Variants in OPHN1 observed in about 807,000 individuals in gnomAD.
OPHN1 encodes the protein oligophrenin 1, also known as oligophrenin-1.
OPHN1 carries 11 observed loss-of-function variants against 60.7 expected under a neutral mutation model. That is an observed-to-expected ratio of 0.18 (90% CI 0.11 to 0.30). OPHN1 has a LOEUF of 0.30. OPHN1 is among the 10% of genes least tolerant of loss of function. The pLI, the probability that OPHN1 is intolerant of heterozygous loss-of-function variation, is 1.00. For missense variants in OPHN1, 449 were observed against 611.0 expected, an observed-to-expected ratio of 0.73 and a Z score of 2.80; for synonymous variants, 226 against 222.6, an observed-to-expected ratio of 1.02 and a Z score of -0.14.
Position 68,417,881 on chromosome X carries a change from T to C in OPHN1, c.154+14986A>G, listed in dbSNP as rs892711509. On this transcript the variant is annotated intron_variant, in intron 2 of 24. Transcript: ENST00000355520. ...GCCAAGCAACCGCCTCCTTGCCCAGTGGCCAATTCAATGAATGCTTCAATC... is the reference window on the plus strand; with the variant it reads ...GCCAAGCAACCGCCTCCTTGCCCAGCGGCCAATTCAATGAATGCTTCAATC... Among the ~76,000 whole-genome samples, 4 of 112,658 alleles carry C rather than the reference T, an allele frequency of 3.6e-5. No homozygotes were observed. The East Asian group carries it at 1.1e-3, about 32-fold the overall frequency.
intron 2 of OPHN1, among the ~76,000 whole-genome samples, chrX:68,422,497 GAGAGAAAGAAAAAGAA>G (rs1200128894): frequency 1.3e-3 from 135 of 102,315 alleles, no homozygotes; most frequent in African/African-American, 4.0e-3. Context: ...GAGAGAGAGG[GAGAGAAAGAAAAAGAA>G]AGAGAAAGAA....
chrX:68,243,771 C>A (rs948258437), intron 5 of OPHN1, among the ~76,000 whole-genome samples: 11 of 111,806 alleles, frequency 9.8e-5, no homozygotes, highest in African/African-American at 3.6e-4. Context: ...CTATAAATAA[C>A]AATAATTTTG....
intron 19 of OPHN1, among the ~76,000 whole-genome samples, chrX:68,073,910 T>TTATC (rs1569204062): frequency 8.9e-6 from 1 of 112,585 alleles, no homozygotes; most frequent in East Asian, 2.8e-4. Flanking sequence ...CCATGGTACA[T>TTATC]TATCTATTCA....
intron 2 of OPHN1, among the ~76,000 whole-genome samples, chrX:68,371,082 T>C (rs73539282): frequency 0.022 from 2,454 of 111,470 alleles, 71 homozygotes; most frequent in African/African-American, 0.077. Flanking sequence ...ACCCACAATA[T>C]GGATTAAAAA....
chrX:68,293,158 G>T (rs73634111), intron 3 of OPHN1, among the ~76,000 whole-genome samples: 6,391 of 111,023 alleles, frequency 0.058, 461 homozygotes, highest in African/African-American at 0.2. Flanking sequence ...CCTCTTTTAA[G>T]ATGCCTGACC....
At chrX:68,308,484 C>T (rs2078157049) in intron 2 of OPHN1, among the ~76,000 whole-genome samples, 1 of 108,668 alleles carries the variant, frequency 9.2e-6, no homozygotes, top group Admixed American at 9.9e-5. Flanking sequence ...TCTAGCTACT[C>T]AGGAGGCTAA....
intron 23 of OPHN1, among the ~76,000 whole-genome samples, chrX:68,050,765 C>A (rs1652505990): frequency 8.9e-6 from 1 of 112,154 alleles, no homozygotes; most frequent in African/African-American, 3.2e-5. Flanking sequence ...CGTTCTATTT[C>A]CTTGTTATTT....
chrX:68,310,656 T>G (rs902821242), intron 2 of OPHN1, among the ~76,000 whole-genome samples: 10 of 110,933 alleles, frequency 9.0e-5, no homozygotes, highest in African/African-American at 2.9e-4. Flanking sequence ...TATGAATAAT[T>G]TAAATATTCA....
At chrX:68,343,039 G>A (rs1045617604) in intron 2 of OPHN1, among the ~76,000 whole-genome samples, 2 of 111,091 alleles carry the variant, frequency 1.8e-5, no homozygotes, top group African/African-American at 6.5e-5. Flanking sequence ...TTGGGAGGGC[G>A]AGGCAGGTGG....
Position 68,119,308 on chromosome X carries a change from T to C in OPHN1, c.1301A>G (p.Asp434Gly). Residue 434 changes from aspartate to glycine, a missense_variant, in exon 16 of 25, where the codon GAT (aspartate) becomes GGT (glycine). Around this residue, in one of 4 missense-constraint regions of OPHN1, gnomAD observed 166 missense variants for 278.4 expected, o/e 0.60. Coordinates refer to ENST00000355520, the MANE Select transcript of OPHN1 (RefSeq NM_002547.3). ...FFDPKCPGDV[D>G]FHNSDWDIKT... ...AATGTCCCAGTCACTATTATGAAAA[T>C]CAACATCTCCTGGGCATTTAGGATC... 1 of 1,199,951 alleles carries C rather than the reference T, an allele frequency of 8.3e-7. No homozygotes were observed. Among genetic ancestry groups the C allele is most frequent in the Non-Finnish European group, 1.1e-6 (1 of 885,229 alleles).
At chrX:68,267,745 G>A (rs2077939743) in intron 5 of OPHN1, among the ~76,000 whole-genome samples, 1 of 111,774 alleles carries the variant, frequency 8.9e-6, no homozygotes, top group Non-Finnish European at 1.9e-5. Context: ...GAATCCAGGA[G>A]CTGGTTTTTT....
At chrX:68,167,792 G>C (rs764938581) in intron 15 of OPHN1, among the ~76,000 whole-genome samples, 17 of 109,248 alleles carry the variant, frequency 1.6e-4, no homozygotes, top group Non-Finnish European at 2.9e-4. Context: ...ATCCATGTTT[G>C]TTGCAGCACT....
At chrX:68,171,514 T>C (rs1465680222) in intron 15 of OPHN1, among the ~76,000 whole-genome samples, 1 of 111,130 alleles carries the variant, frequency 9.0e-6, no homozygotes, top group African/African-American at 3.3e-5. Context: ...GGCGGGCAGA[T>C]CACTTGAGGT....
intron 8 of OPHN1, among the ~76,000 whole-genome samples, 198 bp downstream of exon 8, chrX:68,211,910 T>G (rs961111299): frequency 8.1e-5 from 9 of 111,790 alleles, no homozygotes; most frequent in African/African-American, 2.6e-4. Flanking sequence ...TGAACAGCAG[T>G]CAGCCTCAAA....
chrX:68,279,532 A>G lies in OPHN1; in HGVS notation c.312+3524T>C, dbSNP rs530759357. ...CAGACACAGGCAATTTCCATGCTTGAGTGCTGTGAACTTTCTTACTGTTAT... is the reference window on the plus strand; with the variant it reads ...CAGACACAGGCAATTTCCATGCTTGGGTGCTGTGAACTTTCTTACTGTTAT... On this transcript the variant is annotated intron_variant, in intron 4 of 24. Coordinates refer to ENST00000355520, the MANE Select transcript of OPHN1 (RefSeq NM_002547.3). Among the ~76,000 whole-genome samples the G allele has an allele frequency of 7.6e-4, 84 of 110,938 alleles. No homozygotes were observed. In the Middle Eastern group the frequency reaches 0.018, roughly 24 times the overall value.
intron 6 of OPHN1, among the ~76,000 whole-genome samples, chrX:68,214,228 G>C (rs745487373): frequency 1.8e-5 from 2 of 112,275 alleles, no homozygotes; most frequent in Non-Finnish European, 3.8e-5. Context: ...AGCTGAACAA[G>C]TGTAAAATCC....
chrX:68,254,295 C>A (rs932531193), intron 5 of OPHN1, among the ~76,000 whole-genome samples: 4 of 111,512 alleles, frequency 3.6e-5, no homozygotes, highest in Admixed American at 9.6e-5. Flanking sequence ...TTGAGGCAAT[C>A]TCTCTTTGGA....
At chrX:68,088,399 T>C (rs1425803598) in intron 19 of OPHN1, among the ~76,000 whole-genome samples, 1 of 111,643 alleles carries the variant, frequency 9.0e-6, no homozygotes, top group African/African-American at 3.3e-5. Flanking sequence ...TCAGCATGGA[T>C]TGTGAGTTTT....
intron 2 of OPHN1, among the ~76,000 whole-genome samples, chrX:68,401,078 A>G (rs1014862339): frequency 8.9e-6 from 1 of 111,810 alleles, no homozygotes; most frequent in East Asian, 2.8e-4. Flanking sequence ...AACTGCCACC[A>G]TGATCCTTTC....
Sources: allele counts gnomAD v4.1 joint callset (sites outside exome capture counted in the v4.1 genomes callset), GRCh38; gene constraint gnomAD v4.1.1; regional missense constraint gnomAD v4.1.1; transcripts MANE v1.5; gene names NCBI Gene and HGNC (gene_info 2026-07-23, HGNC 2026-07-21).